Variants in ARHGEF28 observed in about 807,000 individuals in gnomAD.
ARHGEF28 encodes 190 kDa guanine nucleotide exchange factor.
A neutral mutation model predicts 206.6 loss-of-function variants in ARHGEF28; 152 were observed. The ratio of observed to expected loss-of-function variants is 0.74; its 90% CI spans 0.64 to 0.84. ARHGEF28 has a LOEUF of 0.84. Among genes scored for constraint, ARHGEF28 ranks in the 40% least tolerant of loss-of-function variants. ARHGEF28 has a pLI of 0.00. For synonymous variants in ARHGEF28, 763 were observed against 776.4 expected (o/e 0.98, Z 0.29); for missense variants, 2,028 against 2,073.2 (o/e 0.98, Z 0.42).
At chr5:73,852,007 T>C (rs750437025) in intron 13 of ARHGEF28, among the ~76,000 whole-genome samples, 1 of 152,116 alleles carries the variant, frequency 6.6e-6, no homozygotes, top group Admixed American at 6.6e-5. Flanking sequence ...TCTCTCACTG[T>C]CTAAATCAGT....
At chr5:73,866,928 G>T (rs971585636) in intron 18 of ARHGEF28, among the ~76,000 whole-genome samples, 1 of 152,160 alleles carries the variant, frequency 6.6e-6, no homozygotes, top group Admixed American at 6.5e-5. Context: ...GGACAATTAT[G>T]CATGCAAATT....
At chr5:73,798,745 GA>G (rs1754971110) in intron 9 of ARHGEF28, among the ~76,000 whole-genome samples, 1 of 151,868 alleles carries the variant, frequency 6.6e-6, no homozygotes, top group Non-Finnish European at 1.5e-5. Flanking sequence ...CCAAAAATAA[GA>G]AAAAAAGGGT....
intron 35 of ARHGEF28, among the ~76,000 whole-genome samples, chr5:73,940,566 T>C (rs1046682668): frequency 1.3e-5 from 2 of 152,210 alleles, no homozygotes; most frequent in Admixed American, 6.5e-5. Flanking sequence ...AAAAAATAAA[T>C]GGGCATCCCT....
At position 73,782,165 on chromosome 5, in the gene ARHGEF28, A is replaced by G. The variant is rs892468151; in HGVS notation, c.910+1420A>G. ...AAAAAAAAAGTAGTCTTGGCTGGGC[A>G]CGGTGGCTCACACCTGTAATCCCAG... On this transcript the variant is annotated intron_variant, in intron 7 of 35. Coordinates refer to ENST00000513042, the MANE Select transcript of ARHGEF28 (RefSeq NM_001177693.2). 6.7e-5 allele frequency among the ~76,000 whole-genome samples: 10 copies of G among 148,738 alleles called. No homozygotes were observed. The East Asian group carries it at 2.0e-3, about 29-fold the overall frequency.
At chr5:73,657,943 C>A (rs765305724) in intron 1 of ARHGEF28, among the ~76,000 whole-genome samples, 2 of 152,150 alleles carry the variant, frequency 1.3e-5, no homozygotes, top group Non-Finnish European at 2.9e-5. Context: ...ACACTTCAGG[C>A]AAAGATTCTT....
intron 6 of ARHGEF28, among the ~76,000 whole-genome samples, chr5:73,779,736 T>C (rs1178725729): frequency 6.6e-6 from 1 of 152,166 alleles, no homozygotes; most frequent in African/African-American, 2.4e-5. Context: ...TGGTGGGCCT[T>C]AGAAGAGAAC....
At chr5:73,732,846 G>A (rs6880033) in intron 2 of ARHGEF28, among the ~76,000 whole-genome samples, 12,035 of 152,174 alleles carry the variant, frequency 0.079, 620 homozygotes, top group African/African-American at 0.14. Context: ...CACACAAACA[G>A]TAGGAAATGA....
At chr5:73,769,834 TTTAAGAACAGG>T (rs1182758247) in intron 4 of ARHGEF28, among the ~76,000 whole-genome samples, 3 of 152,190 alleles carry the variant, frequency 2.0e-5, no homozygotes, top group African/African-American at 7.2e-5. Context: ...TAATAGACAT[TTTAAGAACAGG>T]TTTAGGTTCA....
chr5:73,780,787 T>C (rs1169121960), intron 7 of ARHGEF28, 42 bp downstream of exon 7: 22 of 1,543,406 alleles, frequency 1.4e-5, no homozygotes, highest in Non-Finnish European at 1.9e-5. Context: ...CACAGAGTGC[T>C]CTGGACCAAC....
chr5:73,757,246 G>A (rs1177780951), intron 4 of ARHGEF28, among the ~76,000 whole-genome samples: 1 of 152,164 alleles, frequency 6.6e-6, no homozygotes. Context: ...ACATTATAAT[G>A]TATTAGTGGC....
At chr5:73,744,947 C>T (rs58831571) in intron 2 of ARHGEF28, among the ~76,000 whole-genome samples, 2,105 of 152,068 alleles carry the variant, frequency 0.014, 39 homozygotes, top group African/African-American at 0.047. Flanking sequence ...GACATATATA[C>T]ACACAAAAAA....
intron 4 of ARHGEF28, among the ~76,000 whole-genome samples, chr5:73,757,414 G>A (rs977577352): frequency 5.3e-5 from 8 of 152,174 alleles, no homozygotes; most frequent in African/African-American, 1.9e-4. Context: ...TACCGAAGGA[G>A]TATTCATTGA....
chr5:73,878,579 T>G (rs2112657208), intron 22 of ARHGEF28, among the ~76,000 whole-genome samples: 1 of 151,040 alleles, frequency 6.6e-6, no homozygotes, highest in East Asian at 1.9e-4. Context: ...TTCCTTTCCA[T>G]GTTTAGTGCT....
rs1367473107 is a variant in ARHGEF28, at chr5:73,857,682, A to C, written c.1817A>C (p.Tyr606Ser). 1.9e-6 allele frequency: 3 copies of C among 1,593,188 alleles called. No individual in the cohort carries two copies. The highest frequency in any genetic ancestry group is 2.6e-6 in the Non-Finnish European group (3 of 1,168,554). The part of the protein sequence containing the change: ...NRIQEEEWDK[Y>S]IIPAKSESEK... ...ATTCAGGAAGAAGAATGGGATAAAT[A>C]CATCATACCTGCCAAATCAGAGTCT... The change falls in exon 15 of 36, where the codon TAC becomes TCC. Residue 606 changes from tyrosine (Y) to serine (S), a missense_variant. Physicochemically the swap from Tyr to Ser is moderately radical, Grantham distance 144. This residue lies in a region of ARHGEF28 where 1,002 missense variants were observed against 1,015.3 expected (regional missense o/e 0.99). Transcript: ENST00000513042.
rs1182569252 is a variant in ARHGEF28 at position 73,671,694 on chromosome 5, TTATATA to T, written c.-11-13107_-11-13102del. Among the ~76,000 whole-genome samples, 517 of 75,792 alleles carry T rather than the reference TTATATA, an allele frequency of 6.8e-3. 3 individuals are homozygous for T. The highest frequency in any genetic ancestry group is 0.019 in the Middle Eastern group (2 of 104). The allele number at this position is 75,792 out of a possible 152,430, so 49.7% of individuals were successfully genotyped here. A position where few individuals can be genotyped will look rare whatever the true frequency, so the allele number is the denominator to read the frequency against. ...TCAGCTGGGTTTTCATTGAACTTGA[TTATATA>T]TATATATATATATATATATATATAT... is the stretch of plus-strand genomic sequence containing the variant. On this transcript the variant is annotated intron_variant, in intron 1 of 35. Coordinates refer to ENST00000513042, the MANE Select transcript of ARHGEF28 (RefSeq NM_001177693.2).
intron 35 of ARHGEF28, among the ~76,000 whole-genome samples, chr5:73,914,644 G>A (rs564661437): frequency 6.6e-6 from 1 of 151,994 alleles, no homozygotes; most frequent in Non-Finnish European, 1.5e-5. Context: ...TAATCCACTG[G>A]CCTTGGCCTC....
intron 2 of ARHGEF28, among the ~76,000 whole-genome samples, chr5:73,709,570 C>T (rs1749128393): frequency 6.6e-6 from 1 of 152,118 alleles, no homozygotes; most frequent in South Asian, 2.1e-4. Context: ...GTAGAAAGAG[C>T]AGGGAGGAGG....
chr5:73,897,202 A>G (rs933986633), intron 29 of ARHGEF28, among the ~76,000 whole-genome samples: 2 of 152,166 alleles, frequency 1.3e-5, no homozygotes, highest in African/African-American at 4.8e-5. Flanking sequence ...AGATAATAGA[A>G]TGCTCTTCCT....
At chr5:73,644,218 C>G (rs1744293137) in intron 1 of ARHGEF28, among the ~76,000 whole-genome samples, 1 of 151,164 alleles carries the variant, frequency 6.6e-6, no homozygotes, top group Non-Finnish European at 1.5e-5. Context: ...TCTTGTGTCT[C>G]CCATGATGTA....
Sources: gnomAD v4.1 joint callset for allele counts (sites outside exome capture counted in the v4.1 genomes callset) on GRCh38, gnomAD v4.1.1 for gene constraint, gnomAD v4.1.1 regional missense constraint, MANE v1.5 for transcripts, NCBI Gene and HGNC (gene_info 2026-07-23, HGNC 2026-07-21) for gene names.